The following ATP8A1 variants were observed in gnomAD, a reference collection of about 807,000 sequenced individuals.
The protein encoded by ATP8A1 is ATPase phospholipid transporting 8A1.
ATP8A1 carries 90 observed loss-of-function variants against 177.7 expected under a neutral mutation model. That is an observed-to-expected ratio of 0.51 (90% CI 0.43 to 0.60). ATP8A1 has a LOEUF of 0.60. Ranked by LOEUF, ATP8A1 falls within the 20% of genes least tolerant of loss-of-function variation. The pLI, the probability that ATP8A1 is intolerant of heterozygous loss-of-function variation, is 0.00. For synonymous variants in ATP8A1, 493 were observed against 485.9 expected, an observed-to-expected ratio of 1.01 and a Z score of -0.19; for missense variants, 1,072 against 1,392.8, an observed-to-expected ratio of 0.77 and a Z score of 3.67.
At chr4:42,470,379 T>C (rs951176862) in intron 25 of ATP8A1, among the ~76,000 whole-genome samples, 44 of 152,318 alleles carry the variant, frequency 2.9e-4, no homozygotes, top group African/African-American at 1.1e-3. Flanking sequence ...AGTATATAGG[T>C]GGTCCATCTT....
chr4:42,627,088 ACAT>A lies in ATP8A1; in HGVS notation c.68_70del (p.Asp23del). On this transcript the variant is annotated inframe_deletion, in exon 2 of 37. Coordinates refer to ENST00000381668, the MANE Select transcript of ATP8A1 (RefSeq NM_006095.2). The stretch of plus-strand genomic sequence containing the variant: ...GTCAGCCAGTGAGGTCTTCTCTGAA[ACAT>A]CATCTGTCTTCTCATAACCTTAAAA... 1 of 1,613,782 alleles carries A rather than the reference ACAT, an allele frequency of 6.2e-7. No homozygotes were observed. The highest frequency in any genetic ancestry group is 8.5e-7 in the Non-Finnish European group (1 of 1,179,690).
chr4:42,549,166 A>C, intron 18 of ATP8A1, 104 bp from the exon 19 acceptor site: 2 of 890,938 alleles, frequency 2.2e-6, no homozygotes, highest in Non-Finnish European at 3.5e-6. Context: ...TGCCAACACA[A>C]ACAAATTTTC....
chr4:42,586,089 C>T (rs976644829), intron 9 of ATP8A1, among the ~76,000 whole-genome samples: 3 of 152,140 alleles, frequency 2.0e-5, no homozygotes, highest in African/African-American at 7.2e-5. Flanking sequence ...AAACAATGTG[C>T]CAGAAGCTGG....
chr4:42,573,448 G>C (rs950308105), intron 14 of ATP8A1, among the ~76,000 whole-genome samples: 1 of 152,134 alleles, frequency 6.6e-6, no homozygotes, highest in Non-Finnish European at 1.5e-5. Flanking sequence ...GGAGGAGGCA[G>C]GTGAGCCTCT....
chr4:42,525,293 T>C (rs2086375883), intron 20 of ATP8A1, among the ~76,000 whole-genome samples: 1 of 152,202 alleles, frequency 6.6e-6, no homozygotes. Flanking sequence ...AAAATGCCAG[T>C]GTGCACAGTG....
chr4:42,544,601 A>G (rs1728707183), intron 19 of ATP8A1, among the ~76,000 whole-genome samples: 2 of 152,350 alleles, frequency 1.3e-5, no homozygotes, highest in East Asian at 3.9e-4. Context: ...TGTCTGTCAA[A>G]TGTACATCTT....
chr4:42,551,252 C>T lies in ATP8A1; in HGVS notation c.1548G>A (p.Lys516=), dbSNP rs745476163. 6.2e-7 allele frequency: 1 copy of T among 1,613,784 alleles called. No individual in the cohort carries two copies. Among genetic ancestry groups the T allele is most frequent in the Non-Finnish European group, 8.5e-7 (1 of 1,179,838 alleles). Residue 516 remains lysine (K), a synonymous_variant, in exon 18 of 37, where the codon AAG becomes AAA. Transcript: ENST00000381668. The part of the protein sequence containing the change: ...PDEGALVRAA[K]QLNFVFTGRT... ...TTCCAGTGAAAACAAAATTCAATTG[C>T]TTGGCTGCTCTGACCAATGCTCCCT...
chr4:42,653,435 G>A (rs1006188652), intron 1 of ATP8A1, among the ~76,000 whole-genome samples: 1 of 152,172 alleles, frequency 6.6e-6, no homozygotes, highest in Middle Eastern at 3.2e-3. Flanking sequence ...AACAGTAGTT[G>A]AAGTTCAGTA....
intron 33 of ATP8A1, among the ~76,000 whole-genome samples, chr4:42,429,381 G>GTTTTT (rs140094527): frequency 2.0e-5 from 3 of 150,146 alleles, no homozygotes; most frequent in African/African-American, 2.4e-5. Context: ...AAATAAAAGT[G>GTTTTT]TTTTGTTTTT....
chr4:42,594,351 T>C, intron 6 of ATP8A1: 1 of 1,585,732 alleles, frequency 6.3e-7, no homozygotes, highest in Non-Finnish European at 8.7e-7. Flanking sequence ...TAACTATATC[T>C]CCAACATTTA....
intron 27 of ATP8A1, among the ~76,000 whole-genome samples, chr4:42,459,804 T>A (rs1248505204): frequency 1.3e-5 from 2 of 152,198 alleles, no homozygotes; most frequent in South Asian, 2.1e-4. Flanking sequence ...TTATTTATTT[T>A]TTTGAGACAG....
intron 21 of ATP8A1, 36 bp from the exon 22 acceptor site, chr4:42,522,335 A>C: frequency 6.3e-7 from 1 of 1,598,388 alleles, no homozygotes; most frequent in Non-Finnish European, 8.5e-7. Context: ...CAACACACCA[A>C]AGATTTTCTT....
intron 22 of ATP8A1, among the ~76,000 whole-genome samples, chr4:42,518,805 G>C (rs1264574610): frequency 6.6e-6 from 1 of 152,144 alleles, no homozygotes; most frequent in African/African-American, 2.4e-5. Context: ...ATGAACCCTA[G>C]GACTGTATTT....
intron 20 of ATP8A1, among the ~76,000 whole-genome samples, chr4:42,531,060 AG>A (rs78035900): frequency 0.12 from 18,548 of 152,246 alleles, 1,430 homozygotes; most frequent in East Asian, 0.25. Flanking sequence ...CAACAGGCTA[AG>A]GGAGTTACAG....
chr4:42,638,532 G>A (rs752344791), intron 1 of ATP8A1, among the ~76,000 whole-genome samples: 18 of 152,154 alleles, frequency 1.2e-4, no homozygotes, highest in Non-Finnish European at 2.1e-4. Context: ...GCCAGCCTTG[G>A]ATATTAACCT....
intron 1 of ATP8A1, among the ~76,000 whole-genome samples, chr4:42,631,826 T>C (rs753454826): frequency 6.6e-6 from 1 of 152,184 alleles, no homozygotes; most frequent in Non-Finnish European, 1.5e-5. Context: ...TGCTCCTGTA[T>C]ATGTTAGTCT....
intron 15 of ATP8A1, among the ~76,000 whole-genome samples, chr4:42,567,615 C>T (rs1226337179): frequency 6.6e-6 from 1 of 152,150 alleles, no homozygotes; most frequent in African/African-American, 2.4e-5. Flanking sequence ...ACTATCTAAG[C>T]TTATATGTAA....
intron 19 of ATP8A1, among the ~76,000 whole-genome samples, chr4:42,546,882 A>C (rs1032108246): frequency 2.6e-5 from 4 of 152,118 alleles, no homozygotes; most frequent in African/African-American, 9.7e-5. Context: ...CATCTTTAAC[A>C]ACAAGGTTGT....
chr4:42,578,190 C>T, intron 12 of ATP8A1, 70 bp downstream of exon 12: 2 of 1,397,518 alleles, frequency 1.4e-6, no homozygotes, highest in Non-Finnish European at 1.9e-6. Flanking sequence ...CCTTTTTTCT[C>T]CTGAGATATC....
Sources: allele counts gnomAD v4.1 joint callset (sites outside exome capture counted in the v4.1 genomes callset), GRCh38; gene constraint gnomAD v4.1.1; transcripts MANE v1.5; gene names NCBI Gene and HGNC (gene_info 2026-07-23, HGNC 2026-07-21).